WFS1: variants seen among roughly 807,000 people sequenced by gnomAD.
WFS1 encodes the protein wolframin.
A neutral mutation model predicts 68.5 loss-of-function variants in WFS1; 90 were observed. The observed-to-expected ratio is 1.31, with a 90% CI of 1.11 to 1.56. The LOEUF (loss-of-function observed/expected upper bound fraction) is 1.56. WFS1 is among the 40% of genes most tolerant of loss of function. WFS1 has a pLI of 0.00. For missense variants in WFS1, 1,767 were observed against 1,232.6 expected, an observed-to-expected ratio of 1.43 and a Z score of -6.49; for synonymous variants, 860 against 540.7, an observed-to-expected ratio of 1.59 and a Z score of -8.19.
chr4:6,277,680 C>T lies in WFS1; in HGVS notation c.225C>T (p.Asp75=), dbSNP rs35216268. Residue 75 remains aspartate, a synonymous_variant, in exon 2 of 8, where the codon GAC becomes GAT. Transcript: ENST00000226760. The part of the protein sequence containing the change: ...AQHTRSRERA[D]GTGPTKGDME... Reference sequence around the variant, plus strand: ...ATACCAGGAGCCGGGAAAGAGCAGACGGCACCGGTAAGGGAGCAGGCTGGG... The same window carrying T: ...ATACCAGGAGCCGGGAAAGAGCAGATGGCACCGGTAAGGGAGCAGGCTGGG... 1,048 of 1,559,792 alleles carry T rather than the reference C, an allele frequency of 6.7e-4. 6 individuals carry two copies. In the African/African-American group the frequency reaches 0.012, roughly 19 times the overall value.
intron 7 of WFS1, among the ~76,000 whole-genome samples, chr4:6,297,034 T>A (rs1003108380): frequency 2.0e-5 from 3 of 152,200 alleles, no homozygotes; most frequent in African/African-American, 7.2e-5. Flanking sequence ...TCACTATTGT[T>A]ATCTACGCTG....
In WFS1 at chr4:6,277,583, C is replaced by T. The variant is rs727503746; in HGVS notation, c.128C>T (p.Ala43Val). Residue 43 changes from alanine to valine, a missense_variant, in exon 2 of 8, where the codon GCA (alanine) becomes GTA (valine). By Grantham distance (64) the Ala-to-Val change is moderately conservative. Coordinates refer to ENST00000226760, the MANE Select transcript of WFS1 (RefSeq NM_006005.3). ...CAGGAGAGGAGCGAAAGGCCCCGAG[C>T]ACCCGGACCCCAGGCTGGCCCTGGC... ...LEQERSERPR[A>V]PGPQAGPGPG... 3.8e-6 allele frequency: 6 copies of T among 1,582,530 alleles called. No individual in the cohort carries two copies. Among genetic ancestry groups the T allele is most frequent in the Non-Finnish European group, 5.2e-6 (6 of 1,164,700 alleles).
chr4:6,280,345 G>C (rs1459715650), intron 2 of WFS1, among the ~76,000 whole-genome samples: 1 of 152,244 alleles, frequency 6.6e-6, no homozygotes, highest in Admixed American at 6.5e-5. Flanking sequence ...ACAGGCAGCT[G>C]TGGTGAGTCC....
intron 6 of WFS1, among the ~76,000 whole-genome samples, chr4:6,294,617 C>T (rs1477062536): frequency 6.6e-6 from 1 of 152,158 alleles, no homozygotes; most frequent in East Asian, 1.9e-4. Flanking sequence ...TGGCAGGGTA[C>T]TGCCCTACAG....
In WFS1 at chr4:6,295,740, C is replaced by T. The variant is rs574836796; in HGVS notation, c.861+551C>T. Among the ~76,000 whole-genome samples, 15 of 152,364 alleles carry T rather than the reference C, an allele frequency of 9.8e-5. No individual in the cohort carries two copies. The East Asian group carries it at 2.7e-3, about 27-fold the overall frequency. ...ATTGGGCACACCTGGAGGACATGAG[C>T]AGCTTTGGCGGCAGGAGGAAAGCGG... is the stretch of plus-strand genomic sequence containing the variant. On this transcript the variant is annotated intron_variant, in intron 7 of 7. Coordinates refer to ENST00000226760, the MANE Select transcript of WFS1 (RefSeq NM_006005.3).
intron 3 of WFS1, 79 bp from the exon 4 acceptor site, chr4:6,288,908 G>A (rs1308477165): frequency 1.3e-6 from 2 of 1,561,172 alleles, no homozygotes; most frequent in African/African-American, 2.7e-5. Context: ...GGAAGTGGGT[G>A]AAAGGAGGTG....
chr4:6,290,554 C>G (rs980325811), intron 4 of WFS1, among the ~76,000 whole-genome samples: 2 of 152,248 alleles, frequency 1.3e-5, no homozygotes, highest in Admixed American at 6.5e-5. Flanking sequence ...AATACATGCT[C>G]ATGTGGAAAA....
At chr4:6,274,130 T>C (rs1010277083) in intron 1 of WFS1, among the ~76,000 whole-genome samples, 2 of 151,634 alleles carry the variant, frequency 1.3e-5, no homozygotes, top group Non-Finnish European at 2.9e-5. Flanking sequence ...CACTGCAAGC[T>C]CCATCTCCTG....
chr4:6,275,460 C>T (rs1729964828), intron 1 of WFS1, among the ~76,000 whole-genome samples: 1 of 152,186 alleles, frequency 6.6e-6, no homozygotes, highest in South Asian at 2.1e-4. Flanking sequence ...TGGAAGGTGC[C>T]AGTTCCCGGG....
At chr4:6,300,097 G>C (rs1037344346) in intron 7 of WFS1, among the ~76,000 whole-genome samples, 8 of 152,066 alleles carry the variant, frequency 5.3e-5, no homozygotes, top group Non-Finnish European at 5.9e-5. Flanking sequence ...GTGGTGCTGG[G>C]CCCTCTGCCT....
chr4:6,289,777 C>T (rs759853932), intron 4 of WFS1, among the ~76,000 whole-genome samples: 2 of 152,222 alleles, frequency 1.3e-5, no homozygotes, highest in Non-Finnish European at 2.9e-5. Context: ...AAGTGGGTGT[C>T]ACAAAGGTGT....
At position 6,302,861 on chromosome 4, in the gene WFS1, A is replaced by G; in HGVS notation, c.*393A>G. ...TTGTGTTGGATTTGTTTAAAAACCAAATAAGCATCTGTGTAACCTCCACAG... is the reference window on the plus strand; with the variant it reads ...TTGTGTTGGATTTGTTTAAAAACCAGATAAGCATCTGTGTAACCTCCACAG... On this transcript the variant is annotated 3_prime_UTR_variant, in exon 8 of 8. Coordinates refer to ENST00000226760, the MANE Select transcript of WFS1 (RefSeq NM_006005.3). 1 of 301,056 alleles carries G rather than the reference A, an allele frequency of 3.3e-6. No homozygotes were observed. Among genetic ancestry groups the G allele is most frequent in the South Asian group, 4.1e-5 (1 of 24,522 alleles). 18.6% of individuals were successfully genotyped at this position (301,056 alleles called of 1,614,324 possible).
intron 7 of WFS1, among the ~76,000 whole-genome samples, chr4:6,298,263 C>T (rs532683342): frequency 1.1e-3 from 174 of 152,356 alleles, no homozygotes; most frequent in Non-Finnish European, 1.8e-3. Flanking sequence ...GCCAGCTGGC[C>T]TGGCGTCATA....
At position 6,302,469 on chromosome 4, in the gene WFS1, G is replaced by T. The variant is rs779376739; in HGVS notation, c.*1G>T. 1.4e-5 allele frequency: 22 copies of T among 1,612,502 alleles called. No individual in the cohort carries two copies. The highest frequency in any genetic ancestry group is 1.8e-5 in the Non-Finnish European group (21 of 1,180,046). On this transcript the variant is annotated 3_prime_UTR_variant, in exon 8 of 8. Transcript: ENST00000226760. ...CTTCCCATTCCTGTCGGCGGCCTGA[G>T]GATGGTCCGCCACGAGGAGCTTCCA... is the stretch of plus-strand genomic sequence containing the variant.
At chr4:6,294,936 T>G in intron 6 of WFS1, 105 bp from the exon 7 acceptor site, 5 of 1,556,612 alleles carry the variant, frequency 3.2e-6, no homozygotes, top group Non-Finnish European at 4.4e-6. Flanking sequence ...CTCAGCTCCT[T>G]TCTTAGCTTG....
At chr4:6,280,394 C>G (rs1440038239) in intron 2 of WFS1, among the ~76,000 whole-genome samples, 2 of 152,204 alleles carry the variant, frequency 1.3e-5, no homozygotes, top group African/African-American at 2.4e-5. Context: ...CTGGGGGGAT[C>G]TGTTGTTCTG....
intron 7 of WFS1, among the ~76,000 whole-genome samples, chr4:6,298,469 T>G (rs1424399066): frequency 6.7e-6 from 1 of 149,912 alleles, no homozygotes; most frequent in Non-Finnish European, 1.5e-5. Flanking sequence ...AGCTGTTAGC[T>G]GCTTTAATCG....
rs1348049070 is a variant in WFS1, at chr4:6,301,008, T to C, written c.1213T>C (p.Tyr405His). 3 of 1,614,006 alleles carry C rather than the reference T, an allele frequency of 1.9e-6. No homozygotes were observed. Among genetic ancestry groups the C allele is most frequent in the Admixed American group, 1.7e-5 (1 of 59,900 alleles). ...VNFGWNHLEP[Y>H]AHFLLSVFFV... is the part of the protein sequence containing the mutation. The stretch of plus-strand genomic sequence containing the variant: ...CTTCGGCTGGAACCACCTGGAGCCC[T>C]ATGCCCATTTCCTGCTCTCTGTCTT... Residue 405 changes from tyrosine to histidine, a missense_variant, in exon 8 of 8, where the codon TAT becomes CAT. Tyr to His is a moderately conservative substitution (Grantham distance 83). Coordinates refer to ENST00000226760, the MANE Select transcript of WFS1 (RefSeq NM_006005.3).
chr4:6,274,718 C>T (rs1729943385), intron 1 of WFS1, among the ~76,000 whole-genome samples: 1 of 151,988 alleles, frequency 6.6e-6, no homozygotes, highest in African/African-American at 2.4e-5. Flanking sequence ...AGAAGGCATT[C>T]CGGGAAGAGG....
Sources: allele counts gnomAD v4.1 joint callset (sites outside exome capture counted in the v4.1 genomes callset), GRCh38; gene constraint gnomAD v4.1.1; transcripts MANE v1.5; gene names NCBI Gene and HGNC (gene_info 2026-07-23, HGNC 2026-07-21).